Variants in FILIP1L observed in about 807,000 individuals in gnomAD.
FILIP1L encodes filamin A-interacting protein 1-like.
A neutral mutation model predicts 96.6 loss-of-function variants in FILIP1L; 55 were observed. The ratio of observed to expected loss-of-function variants is 0.57; its 90% confidence interval spans 0.46 to 0.71. The LOEUF (loss-of-function observed/expected upper bound fraction) is 0.71, where lower values mean the gene tolerates loss of function less well. FILIP1L is among the 30% of genes least tolerant of loss of function. The pLI, the probability that FILIP1L is intolerant of heterozygous loss-of-function variation, is 0.00. For synonymous variants in FILIP1L, 467 were observed against 473.9 expected, an observed-to-expected ratio of 0.99 and a Z score of 0.19; for missense variants, 1,304 against 1,321.2, an observed-to-expected ratio of 0.99 and a Z score of 0.20.
chr3:100,079,642 T>C (rs571598621), intron 1 of FILIP1L, among the ~76,000 whole-genome samples: 1 of 152,346 alleles, frequency 6.6e-6, no homozygotes, highest in East Asian at 1.9e-4. Context: ...CAAATCCTTC[T>C]GATTTTCAAT....
intron 1 of FILIP1L, among the ~76,000 whole-genome samples, chr3:99,986,839 A>G (rs1228060292): frequency 3.3e-5 from 5 of 152,216 alleles, no homozygotes; most frequent in Non-Finnish European, 7.4e-5. Flanking sequence ...ACAACCCTCC[A>G]CAGCAAAGAG....
chr3:99,917,781 T>C (rs7626310), intron 4 of FILIP1L, among the ~76,000 whole-genome samples: 1,762 of 152,308 alleles, frequency 0.012, 19 homozygotes, highest in African/African-American at 0.026. Flanking sequence ...TAAGAATGGA[T>C]GTACAGATTT....
At chr3:99,877,045 T>A (rs1423912720) in intron 4 of FILIP1L, among the ~76,000 whole-genome samples, 1 of 152,200 alleles carries the variant, frequency 6.6e-6, no homozygotes, top group Non-Finnish European at 1.5e-5. Context: ...AAGAATATTA[T>A]CCTCTAGTAT....
At chr3:100,059,378 G>A (rs759958002) in intron 1 of FILIP1L, among the ~76,000 whole-genome samples, 1 of 152,160 alleles carries the variant, frequency 6.6e-6, no homozygotes, top group Non-Finnish European at 1.5e-5. Flanking sequence ...GTCCTTGTCC[G>A]TGGCTTGCTT....
intron 4 of FILIP1L, among the ~76,000 whole-genome samples, chr3:99,887,998 C>T (rs1393223755): frequency 6.6e-6 from 1 of 152,138 alleles, no homozygotes; most frequent in East Asian, 1.9e-4. Context: ...TCCACCTTGG[C>T]CTCCCAAAGT....
chr3:99,852,704 A>G (rs987477606), intron 4 of FILIP1L, among the ~76,000 whole-genome samples: 2 of 152,124 alleles, frequency 1.3e-5, no homozygotes, highest in Non-Finnish European at 2.9e-5. Context: ...TCGGCCTCCC[A>G]AAGTGCTGAG....
At chr3:99,963,920 C>A (rs1708568314) in intron 1 of FILIP1L, among the ~76,000 whole-genome samples, 1 of 152,056 alleles carries the variant, frequency 6.6e-6, no homozygotes, top group Non-Finnish European at 1.5e-5. Flanking sequence ...CCAGCCACAT[C>A]CATTTGTTAA....
intron 4 of FILIP1L, among the ~76,000 whole-genome samples, chr3:99,878,449 A>G (rs1705611345): frequency 6.6e-6 from 1 of 152,266 alleles, no homozygotes. Flanking sequence ...TTACATATAT[A>G]GCCTTCTACA....
rs556072407 is a variant in FILIP1L, at chr3:99,848,892, G to A, written c.2784C>T (p.His928=). 2.5e-6 allele frequency: 4 copies of A among 1,614,182 alleles called. No homozygotes were observed. The South Asian group carries it at 4.4e-5, about 18-fold the overall frequency. ...EITSPTTESP[H]SYTSTAVIPN... is the part of the protein sequence containing the mutation. ...GTATCACTGCAGTACTCGTGTAAGA[G>A]TGAGGACTCTCTGTGGTTGGACTTG... is the stretch of plus-strand genomic sequence containing the variant. The change falls in exon 5 of 6, where the codon CAC becomes CAT. Residue 928 remains histidine, a synonymous_variant. Coordinates refer to ENST00000477258, the MANE Select transcript of FILIP1L (RefSeq NM_001387850.1).
Position 100,108,518 on chromosome 3 carries a change from A to G in FILIP1L, c.-11+5535T>C, listed in dbSNP as rs550646933. 4.6e-5 allele frequency among the ~76,000 whole-genome samples: 7 copies of G among 152,300 alleles called. No individual in the cohort carries two copies. The East Asian group carries it at 7.7e-4, about 17-fold the overall frequency. On this transcript the variant is annotated intron_variant, in intron 1 of 5. Transcript: ENST00000477258. ...CCAGTGATGCCATCTGGGAAAATCT[A>G]TGCCCTTAGACATTAAATGCATTGT...
rs1230509196 is a variant in FILIP1L, at chr3:99,849,585, A to G, written c.2091T>C (p.His697=). ...GAAGCCTTTTGAAAAGCCATTGTTCATGGCTGGTCTCTGTCTTTTCTGCTA... is the reference window on the plus strand; with the variant it reads ...GAAGCCTTTTGAAAAGCCATTGTTCGTGGCTGGTCTCTGTCTTTTCTGCTA... ...YKLAEKTETS[H]EQWLFKRLQE... Residue 697 remains histidine (H), a synonymous_variant, in exon 5 of 6, where the codon CAT becomes CAC. Transcript: ENST00000477258. 1.2e-6 allele frequency: 2 copies of G among 1,613,540 alleles called. No individual in the cohort carries two copies. Among genetic ancestry groups the G allele is most frequent in the African/African-American group, 2.7e-5 (2 of 74,900 alleles).
intron 5 of FILIP1L, among the ~76,000 whole-genome samples, chr3:99,831,957 A>T (rs1281417867): frequency 6.6e-6 from 1 of 152,144 alleles, no homozygotes; most frequent in South Asian, 2.1e-4. Flanking sequence ...TGAAAGGCCG[A>T]GACAGATTGG....
intron 1 of FILIP1L, among the ~76,000 whole-genome samples, chr3:99,933,550 A>G (rs1707559068): frequency 6.6e-6 from 1 of 152,176 alleles, no homozygotes; most frequent in South Asian, 2.1e-4. Context: ...AATTATACAT[A>G]AACAGGATTT....
chr3:100,053,063 A>G (rs1475608192), intron 1 of FILIP1L, among the ~76,000 whole-genome samples: 1 of 152,114 alleles, frequency 6.6e-6, no homozygotes, highest in Non-Finnish European at 1.5e-5. Context: ...CTCCTGAAAC[A>G]AGGGTGCTCC....
chr3:99,943,660 C>T (rs796716117), intron 1 of FILIP1L, among the ~76,000 whole-genome samples: 46 of 151,942 alleles, frequency 3.0e-4, no homozygotes, highest in Admixed American at 1.4e-3. Context: ...TCCGAGATCA[C>T]GCCACTGCAC....
At chr3:99,913,951 A>G (rs1223364132) in intron 4 of FILIP1L, among the ~76,000 whole-genome samples, 2 of 152,198 alleles carry the variant, frequency 1.3e-5, no homozygotes, top group African/African-American at 2.4e-5. Flanking sequence ...AATGGAGTGT[A>G]TGTGTATGAT....
At chr3:100,073,930 A>G (rs1446759875) in intron 1 of FILIP1L, among the ~76,000 whole-genome samples, 1 of 152,172 alleles carries the variant, frequency 6.6e-6, no homozygotes, top group African/African-American at 2.4e-5. Context: ...TCACAGAGGA[A>G]GTAATGGTTT....
At position 99,901,466 on chromosome 3, in the gene FILIP1L, T is replaced by C. The variant is rs187151598; in HGVS notation, c.605+22764A>G. ...TGTCCCTGGAGAAGCTATTAAACAC[T>C]GAACAAAATGCCTCAGAATGAAACT... On this transcript the variant is annotated intron_variant, in intron 4 of 5. Coordinates refer to ENST00000477258, the MANE Select transcript of FILIP1L (RefSeq NM_001387850.1). Among the ~76,000 whole-genome samples, 65 of 152,342 alleles carry C rather than the reference T, an allele frequency of 4.3e-4. 1 individual carries two copies. In the South Asian group the frequency reaches 7.7e-3, roughly 18 times the overall value.
intron 1 of FILIP1L, among the ~76,000 whole-genome samples, chr3:100,036,333 A>G (rs2065107434): frequency 6.6e-6 from 1 of 152,200 alleles, no homozygotes. Context: ...TGAGCCTGGA[A>G]CATCTTTTCA....
Sources: gnomAD v4.1 joint callset for allele counts (sites outside exome capture counted in the v4.1 genomes callset) on GRCh38, gnomAD v4.1.1 for gene constraint, MANE v1.5 for transcripts, NCBI Gene and HGNC (gene_info 2026-07-23, HGNC 2026-07-21) for gene names.